The following GRIK1 variants were observed in gnomAD, a reference collection of about 807,000 sequenced individuals.
GRIK1 encodes the protein glutamate ionotropic receptor kainate type subunit 1.
A neutral mutation model predicts 105.7 loss-of-function variants in GRIK1; 69 were observed. That is an observed-to-expected ratio of 0.65 (90% CI 0.54 to 0.80). The LOEUF is 0.80. Among genes scored for constraint, GRIK1 ranks in the 30% least tolerant of loss-of-function variants. The probability of loss-of-function intolerance (pLI) is 0.00; values close to 1 mark genes in which losing one functional copy is unlikely to be tolerated. For missense variants in GRIK1, 1,109 were observed against 1,167.3 expected (o/e 0.95, Z 0.73); for synonymous variants, 438 against 431.3 (o/e 1.02, Z -0.19).
At chr21:29,656,354 C>CAAAAAAA (rs3054331) in intron 4 of GRIK1, among the ~76,000 whole-genome samples, 628 of 51,044 alleles carry the variant, frequency 0.012, 105 homozygotes, top group Middle Eastern at 0.04. Flanking sequence ...GAGCGAGACT[C>CAAAAAAA]AAAAAAAAAA....
At chr21:29,601,671 C>A (rs2061521434) in intron 7 of GRIK1, among the ~76,000 whole-genome samples, 1 of 152,192 alleles carries the variant, frequency 6.6e-6, no homozygotes. Flanking sequence ...AGTCACTATT[C>A]TCCTCTTTGA....
intron 1 of GRIK1, among the ~76,000 whole-genome samples, chr21:29,766,409 C>T (rs564080321): frequency 3.3e-5 from 5 of 152,234 alleles, no homozygotes; most frequent in East Asian, 1.9e-4. Flanking sequence ...ATGCACAGGG[C>T]AGCCCCCCAC....
At chr21:29,769,564 C>A (rs2065761368) in intron 1 of GRIK1, among the ~76,000 whole-genome samples, 1 of 152,090 alleles carries the variant, frequency 6.6e-6, no homozygotes, top group Non-Finnish European at 1.5e-5. Context: ...GGTTTGCGCT[C>A]CTAAGAGAAT....
chr21:29,623,698 C>T (rs2062058898), intron 7 of GRIK1, among the ~76,000 whole-genome samples: 1 of 152,054 alleles, frequency 6.6e-6, no homozygotes, highest in Non-Finnish European at 1.5e-5. Context: ...TTTTCATAAG[C>T]TATAATTAAT....
At chr21:29,890,087 T>C (rs1289701765) in intron 1 of GRIK1, among the ~76,000 whole-genome samples, 7 of 152,116 alleles carry the variant, frequency 4.6e-5, no homozygotes, top group Non-Finnish European at 8.8e-5. Flanking sequence ...GTCTGAATTA[T>C]ACTTTAATGT....
Position 29,812,628 on chromosome 21 carries a change from T to G in GRIK1, c.119-118565A>C, listed in dbSNP as rs151024020. On this transcript the variant is annotated intron_variant, in intron 1 of 17. Transcript: ENST00000327783. ...TCCTTTGTGAACACTTTAATTACCT[T>G]TGGATTCTTAGGAGATATAACAACT... Among the ~76,000 whole-genome samples, 727 of 152,244 alleles carry G rather than the reference T, an allele frequency of 4.8e-3. 7 individuals carry two copies. Among genetic ancestry groups the G allele is most frequent in the African/African-American group, 0.017 (705 of 41,556 alleles).
chr21:29,728,499 C>T (rs2064526864), intron 1 of GRIK1, among the ~76,000 whole-genome samples: 1 of 152,118 alleles, frequency 6.6e-6, no homozygotes, highest in South Asian at 2.1e-4. Context: ...GACCCATGAG[C>T]AAGTGCTATA....
At chr21:29,560,298 T>TC (rs1491089875) in intron 15 of GRIK1, among the ~76,000 whole-genome samples, 16 of 99,654 alleles carry the variant, frequency 1.6e-4, no homozygotes, top group African/African-American at 7.2e-4. Flanking sequence ...TTTCTTTCTT[T>TC]CTTTCTTTCT....
At chr21:29,713,322 CT>C (rs1159624148) in intron 1 of GRIK1, among the ~76,000 whole-genome samples, 4 of 152,174 alleles carry the variant, frequency 2.6e-5, no homozygotes, top group Admixed American at 6.6e-5. Context: ...TTAGTTTAAA[CT>C]AATTTGATTT....
intron 7 of GRIK1, among the ~76,000 whole-genome samples, chr21:29,620,797 A>C (rs971725455): frequency 2.0e-4 from 21 of 105,540 alleles, no homozygotes; most frequent in Admixed American, 1.2e-3. Context: ...ATATATCTAT[A>C]TATATATAGA....
chr21:29,916,944 C>A (rs2071021151), intron 1 of GRIK1, among the ~76,000 whole-genome samples: 1 of 151,928 alleles, frequency 6.6e-6, no homozygotes, highest in Admixed American at 6.6e-5. Flanking sequence ...TACATACACA[C>A]ACAGATTCTA....
At chr21:29,936,790 G>C (rs141713869) in intron 1 of GRIK1, among the ~76,000 whole-genome samples, 1 of 152,286 alleles carries the variant, frequency 6.6e-6, no homozygotes, top group African/African-American at 2.4e-5. Context: ...TTTCTCCAAA[G>C]CTGAAGCTTA....
At chr21:29,669,851 C>T (rs1818964329) in intron 4 of GRIK1, among the ~76,000 whole-genome samples, 1 of 152,086 alleles carries the variant, frequency 6.6e-6, no homozygotes, top group African/African-American at 2.4e-5. Context: ...ACTCCTGAGT[C>T]CTCAGCCTCC....
intron 1 of GRIK1, among the ~76,000 whole-genome samples, chr21:29,808,824 C>T (rs2066932277): frequency 6.6e-6 from 1 of 152,150 alleles, no homozygotes; most frequent in Non-Finnish European, 1.5e-5. Context: ...CTTAGCCCCC[C>T]ATGTTTGTGA....
intron 10 of GRIK1, 40 bp from the exon 11 acceptor site, chr21:29,589,082 G>T: frequency 9.1e-7 from 1 of 1,102,614 alleles, no homozygotes; most frequent in Non-Finnish European, 1.4e-6. Context: ...CTGTTATAAT[G>T]AAAGGAAGAG....
intron 7 of GRIK1, among the ~76,000 whole-genome samples, chr21:29,607,288 A>G (rs2061642897): frequency 6.6e-6 from 1 of 152,056 alleles, no homozygotes; most frequent in African/African-American, 2.4e-5. Flanking sequence ...TGGAAATGAC[A>G]ACCAACCTTT....
chr21:29,909,308 C>T (rs1784914067), intron 1 of GRIK1, among the ~76,000 whole-genome samples: 1 of 151,648 alleles, frequency 6.6e-6, no homozygotes, highest in African/African-American at 2.4e-5. Context: ...TTCTTTATGG[C>T]CCTATAAAAT....
At chr21:29,878,451 C>G (rs2069273520) in intron 1 of GRIK1, among the ~76,000 whole-genome samples, 1 of 151,960 alleles carries the variant, frequency 6.6e-6, no homozygotes, top group South Asian at 2.1e-4. Flanking sequence ...AGCACCTCAT[C>G]TGGAATGGGG....
intron 7 of GRIK1, among the ~76,000 whole-genome samples, chr21:29,618,887 G>A (rs1320441225): frequency 6.6e-6 from 1 of 152,134 alleles, no homozygotes; most frequent in African/African-American, 2.4e-5. Flanking sequence ...CAGCACTTTG[G>A]GAGGCCGAGG....
Sources: allele counts gnomAD v4.1 joint callset (sites outside exome capture counted in the v4.1 genomes callset), GRCh38; gene constraint gnomAD v4.1.1; transcripts MANE v1.5; gene names NCBI Gene and HGNC (gene_info 2026-07-23, HGNC 2026-07-21).